The following HIVEP2 variants were observed in gnomAD, a reference collection of about 807,000 sequenced individuals.
HIVEP2 encodes the protein transcription factor HIVEP2.
Under a neutral mutation model 180.7 loss-of-function variants are expected in HIVEP2, and 14 were observed. That is an observed-to-expected ratio of 0.08 (90% CI 0.05 to 0.12). HIVEP2 has a LOEUF of 0.12. Ranked by LOEUF, HIVEP2 falls within the 10% of genes least tolerant of loss-of-function variation. The probability of loss-of-function intolerance (pLI) is 1.00; values close to 1 mark genes in which losing one functional copy is unlikely to be tolerated. For missense variants in HIVEP2, 2,579 were observed against 3,008.5 expected, an observed-to-expected ratio of 0.86 and a Z score of 3.34; for synonymous variants, 1,184 against 1,136.4, an observed-to-expected ratio of 1.04 and a Z score of -0.84.
At position 142,753,365 on chromosome 6, in the gene HIVEP2, G is replaced by C; in HGVS notation, c.7083C>G (p.Pro2361=). 1 of 1,614,092 alleles carries C rather than the reference G, an allele frequency of 6.2e-7. No individual in the cohort carries two copies. The highest frequency in any genetic ancestry group is 1.1e-5 in the South Asian group (1 of 91,086). The part of the protein sequence containing the change: ...PARVQEPHQN[P]LGSAHVSIRH... ...TAATGCTAACATGTGCACTTCCCAGGGGGTTCTGGTGGGGCTCCTGCACCC... is the reference window on the plus strand; with the variant it reads ...TAATGCTAACATGTGCACTTCCCAGCGGGTTCTGGTGGGGCTCCTGCACCC... The change falls in exon 10 of 10, where the codon CCC becomes CCG. Residue 2361 remains proline (P), a synonymous_variant. Transcript: ENST00000367603.
chr6:142,930,050 A>G (rs143154012), intron 1 of HIVEP2, among the ~76,000 whole-genome samples: 2 of 152,288 alleles, frequency 1.3e-5, no homozygotes, highest in African/African-American at 4.8e-5. Flanking sequence ...TTGTTTTTCC[A>G]GAAAACTGAC....
chr6:142,881,020 T>C (rs1776563983), intron 1 of HIVEP2, among the ~76,000 whole-genome samples: 1 of 152,174 alleles, frequency 6.6e-6, no homozygotes, highest in African/African-American at 2.4e-5. Flanking sequence ...CTCAAGTTTC[T>C]TGAGGAAATA....
At chr6:142,884,547 G>C (rs1430401151) in intron 1 of HIVEP2, among the ~76,000 whole-genome samples, 1 of 152,154 alleles carries the variant, frequency 6.6e-6, no homozygotes, top group Non-Finnish European at 1.5e-5. Flanking sequence ...CACCTAGAAT[G>C]ATGTCGTTTC....
chr6:142,784,910 C>A (rs766100447), intron 2 of HIVEP2, among the ~76,000 whole-genome samples: 2 of 151,884 alleles, frequency 1.3e-5, no homozygotes, highest in Non-Finnish European at 2.9e-5. Flanking sequence ...TTTTTTGAGA[C>A]GGAGTCTTGC....
intron 2 of HIVEP2, among the ~76,000 whole-genome samples, chr6:142,828,310 A>G (rs546288670): frequency 6.6e-6 from 1 of 152,312 alleles, no homozygotes; most frequent in East Asian, 1.9e-4. Context: ...AAGCCCAGAC[A>G]AAGTGTTTTC....
At chr6:142,833,835 GT>G (rs1236145232) in intron 2 of HIVEP2, among the ~76,000 whole-genome samples, 5 of 152,124 alleles carry the variant, frequency 3.3e-5, no homozygotes, top group African/African-American at 1.2e-4. Flanking sequence ...ATACATAAGA[GT>G]CCACATTTTC....
Position 142,770,591 on chromosome 6 carries a change from G to A in HIVEP2, c.4148C>T (p.Ala1383Val). 1 of 1,614,202 alleles carries A rather than the reference G, an allele frequency of 6.2e-7. No homozygotes were observed. The highest frequency in any genetic ancestry group is 8.5e-7 in the Non-Finnish European group (1 of 1,180,044). ...MTQRTLVTNA[A>V]MQGIGFNIAQ... The stretch of plus-strand genomic sequence containing the variant: ...AATGTTGAATCCTATCCCTTGCATG[G>A]CTGCGTTGGTGACCAGTGTCCTTTG... The change falls in exon 5 of 10, where the codon GCC (alanine) becomes GTC (valine). Residue 1383 changes from alanine to valine, a missense_variant. Around this residue, in one of 11 missense-constraint regions of HIVEP2, gnomAD observed 523 missense variants for 577.0 expected, o/e 0.91. Coordinates refer to ENST00000367603, the MANE Select transcript of HIVEP2 (RefSeq NM_006734.4). The surrounding 1 kb of genome is among the most constrained non-coding windows in gnomAD (Gnocchi z 4.7).
chr6:142,938,082 G>C (rs1365436414), intron 1 of HIVEP2, among the ~76,000 whole-genome samples: 2 of 152,130 alleles, frequency 1.3e-5, no homozygotes, highest in Non-Finnish European at 2.9e-5. Flanking sequence ...AATATGAGCT[G>C]GAAGAAGCTT....
intron 1 of HIVEP2, among the ~76,000 whole-genome samples, chr6:142,920,966 G>A (rs1019089175): frequency 6.6e-5 from 10 of 152,158 alleles, no homozygotes; most frequent in African/African-American, 2.4e-4. Context: ...GTGAGTGACA[G>A]AGGGAGATCC....
rs1774993645 is a variant in HIVEP2, at chr6:142,753,834, C to A, written c.6614G>T (p.Gly2205Val). Residue 2205 changes from glycine (G) to valine (V), a missense_variant, in exon 10 of 10, where the codon GGT becomes GTT. By Grantham distance (109) the Gly-to-Val change is moderately radical. Around this residue, in one of 11 missense-constraint regions of HIVEP2, gnomAD observed 660 missense variants for 731.7 expected, o/e 0.90. Transcript: ENST00000367603. ...ATGACTGAAGACATAGTCATTAGGA[C>A]CCTCAGGGAAAAGGCTGGAGCCTGG... ...EHPGSSLFPE[G>V]PNDYVFSHLP... 1.2e-6 allele frequency: 2 copies of A among 1,613,770 alleles called. No homozygotes were observed. The highest frequency in any genetic ancestry group is 2.7e-5 in the African/African-American group (2 of 74,998).
At chr6:142,781,752 C>T (rs554825667) in intron 3 of HIVEP2, among the ~76,000 whole-genome samples, 91 of 152,266 alleles carry the variant, frequency 6.0e-4, no homozygotes, top group African/African-American at 2.1e-3. Context: ...ATAAGTTTGG[C>T]ACCCAGTTAA....
intron 1 of HIVEP2, among the ~76,000 whole-genome samples, chr6:142,912,697 C>T (rs1192816440): frequency 2.0e-5 from 3 of 152,210 alleles, no homozygotes; most frequent in African/African-American, 4.8e-5. Flanking sequence ...ACCGCGCATG[C>T]GAGGGATCTA....
rs1775581039 is a variant in HIVEP2, at chr6:142,772,668, T to C, written c.2071A>G (p.Thr691Ala). 6.2e-7 allele frequency: 1 copy of C among 1,614,094 alleles called. No individual in the cohort carries two copies. The highest frequency in any genetic ancestry group is 1.1e-5 in the South Asian group (1 of 91,086). Residue 691 changes from threonine (T) to alanine (A), a missense_variant, in exon 5 of 10, where the codon ACC becomes GCC. Physicochemically the swap from Thr to Ala is moderately conservative, Grantham distance 58. Around this residue, in one of 11 missense-constraint regions of HIVEP2, gnomAD observed 524 missense variants for 563.6 expected, o/e 0.93. Transcript: ENST00000367603. This position sits in a 1 kb window ranked among gnomAD's most constrained non-coding sequence, Gnocchi z 4.9. ...TTCCGGCGTTTCCTGTTTTCACAGG[T>C]AGTTCCAAACATGCTTGGTACTCCC... The part of the protein sequence containing the change: ...LQGVPSMFGT[T>A]CENRKRRKEK...
At chr6:142,782,801 TAG>T (rs1775890044) in intron 3 of HIVEP2, among the ~76,000 whole-genome samples, 1 of 152,252 alleles carries the variant, frequency 6.6e-6, no homozygotes, top group African/African-American at 2.4e-5. Flanking sequence ...CATATATTTG[TAG>T]AGTTTGCCTA....
rs138540858 is a variant in HIVEP2 at position 142,795,625 on chromosome 6, A to G, written c.-527-12010T>C. ...AAATTATTTGAATAAATATTTATAG[A>G]TTATAGTGAGTCTTTCAACAGGTAA... On this transcript the variant is annotated intron_variant, in intron 2 of 9. Coordinates refer to ENST00000367603, the MANE Select transcript of HIVEP2 (RefSeq NM_006734.4). Among the ~76,000 whole-genome samples, 328 of 152,338 alleles carry G rather than the reference A, an allele frequency of 2.2e-3. 1 individual carries two copies. Among genetic ancestry groups the G allele is most frequent in the African/African-American group, 7.6e-3 (317 of 41,588 alleles).
rs1364287459 is a variant in HIVEP2 at position 142,761,489 on chromosome 6, C to T, written c.5595G>A (p.Val1865=). Residue 1865 remains valine, a synonymous_variant, in exon 8 of 10, where the codon GTG becomes GTA. Transcript: ENST00000367603. ...CLELGVSMTS[V]DDTETEEAEN... ...CTGCTTCCTCAGTTTCTGTATCATC[C>T]ACCGATGTCATTGAGACTCCCAATT... 1.6e-5 allele frequency: 25 copies of T among 1,600,456 alleles called. No homozygotes were observed. The highest frequency in any genetic ancestry group is 2.1e-5 in the Non-Finnish European group (24 of 1,167,882).
intron 1 of HIVEP2, among the ~76,000 whole-genome samples, chr6:142,854,157 G>A (rs946840662): frequency 2.6e-5 from 4 of 152,170 alleles, no homozygotes; most frequent in African/African-American, 7.2e-5. Flanking sequence ...GCCTGTGGTA[G>A]TTCTCAATTA....
At chr6:142,868,143 C>T (rs937352853) in intron 1 of HIVEP2, among the ~76,000 whole-genome samples, 4 of 152,100 alleles carry the variant, frequency 2.6e-5, no homozygotes, top group African/African-American at 9.7e-5. Flanking sequence ...GTTATCCTAC[C>T]GGGCTACAGT....
At chr6:142,762,452 GCACACACACACACACA>G (rs35168499) in intron 7 of HIVEP2, among the ~76,000 whole-genome samples, 61,299 of 144,004 alleles carry the variant, frequency 0.43, 13,032 homozygotes, top group East Asian at 0.72. Flanking sequence ...ACAGAAGAAT[GCACACACACACACACA>G]CACACACACA....
Sources: gnomAD v4.1 joint callset for allele counts (sites outside exome capture counted in the v4.1 genomes callset) on GRCh38, gnomAD v4.1.1 for gene constraint, gnomAD v4.1.1 regional missense constraint, Gnocchi (gnomAD v3.1) non-coding constraint, MANE v1.5 for transcripts, NCBI Gene and HGNC (gene_info 2026-07-23, HGNC 2026-07-21) for gene names.